Variants in RUSC1 observed in about 807,000 individuals in gnomAD.
The protein encoded by RUSC1 is RUN and SH3 domain containing 1.
Under a neutral mutation model 72.1 loss-of-function variants are expected in RUSC1, and 40 were observed. The ratio of observed to expected loss-of-function variants is 0.55; its 90% CI spans 0.43 to 0.72. The LOEUF (loss-of-function observed/expected upper bound fraction) is 0.72. Among genes scored for constraint, RUSC1 ranks in the 30% least tolerant of loss-of-function variants. The pLI, the probability that RUSC1 is intolerant of heterozygous loss-of-function variation, is 0.00. For missense variants in RUSC1, 1,092 were observed against 1,172.3 expected (o/e 0.93, Z 1.00); for synonymous variants, 512 against 494.2 (o/e 1.04, Z -0.48).
Position 155,321,765 on chromosome 1 carries a change from G to A in RUSC1, c.-9G>A. 1 of 1,613,780 alleles carries A rather than the reference G, an allele frequency of 6.2e-7. No individual in the cohort carries two copies. Among genetic ancestry groups the A allele is most frequent in the Non-Finnish European group, 8.5e-7 (1 of 1,179,956 alleles). On this transcript the variant is annotated 5_prime_UTR_variant, in exon 2 of 10. Coordinates refer to ENST00000368352, the MANE Select transcript of RUSC1 (RefSeq NM_001105203.2). ...GTTCTCTAGAAGCCATCCCATCGCCGCTAGCATCATGCTGTCCCCTCAGAG... is the reference window on the plus strand; with the variant it reads ...GTTCTCTAGAAGCCATCCCATCGCCACTAGCATCATGCTGTCCCCTCAGAG...
At chr1:155,321,461 C>A in intron 1 of RUSC1, 1 of 1,448,990 alleles carries the variant, frequency 6.9e-7, no homozygotes, top group South Asian at 1.1e-5. Context: ...CAGAGCGCAG[C>A]CGCGTTCTCT....
Position 155,324,919 on chromosome 1 carries a change from G to A in RUSC1, c.1432G>A (p.Gly478Ser), listed in dbSNP as rs1261572692. Reference protein sequence around the residue: ...LWMAEAQSGTGQLQEQKKGLL... With the variant: ...LWMAEAQSGTSQLQEQKKGLL... ...GATGGCAGAAGCCCAGAGTGGGACT[G>A]GTCAGCTGCAGGAGCAGAAGAAAGG... Residue 478 changes from glycine to serine, a missense_variant, in exon 3 of 10, where the codon GGT (glycine) becomes AGT (serine). Coordinates refer to ENST00000368352, the MANE Select transcript of RUSC1 (RefSeq NM_001105203.2). The A allele has an allele frequency of 6.2e-7, 1 of 1,614,212 alleles. No homozygotes were observed. The highest frequency in any genetic ancestry group is 1.1e-5 in the South Asian group (1 of 91,084).
chr1:155,329,393 T>C (rs892015205), intron 9 of RUSC1, among the ~76,000 whole-genome samples: 1 of 115,034 alleles, frequency 8.7e-6, no homozygotes, highest in Admixed American at 8.5e-5. Context: ...GCTACTAAAC[T>C]TTTTTTTTTT....
chr1:155,328,746 A>C (rs528013811), intron 9 of RUSC1, among the ~76,000 whole-genome samples: 3 of 151,622 alleles, frequency 2.0e-5, no homozygotes, highest in Non-Finnish European at 2.9e-5. Flanking sequence ...TTACAGGCAC[A>C]TGCCGCCACG....
chr1:155,327,363 T>C (rs1651528695), intron 8 of RUSC1, among the ~76,000 whole-genome samples: 1 of 152,162 alleles, frequency 6.6e-6, no homozygotes, highest in Non-Finnish European at 1.5e-5. Context: ...CCCAGGTACA[T>C]GTGGGGGATT....
rs757984199 is a variant in RUSC1 at position 155,322,849 on chromosome 1, G to T, written c.1076G>T (p.Gly359Val). The T allele has an allele frequency of 1.2e-6, 2 of 1,613,248 alleles. No individual in the cohort carries two copies. The highest frequency in any genetic ancestry group is 3.3e-5 in the Admixed American group (2 of 60,004). ...GAGCTCCCCCCCTCGGGGTCGCCGGGCGGCTCCTCGGCACCTCCTCGGGAA... is the reference window on the plus strand; with the variant it reads ...GAGCTCCCCCCCTCGGGGTCGCCGGTCGGCTCCTCGGCACCTCCTCGGGAA... ...DTELPPSGSP[G>V]GSSAPPREVT... is the part of the protein sequence containing the mutation. The change falls in exon 2 of 10, where the codon GGC (glycine) becomes GTC (valine). Residue 359 changes from glycine (G) to valine (V), a missense_variant. Physicochemically the swap from Gly to Val is moderately radical, Grantham distance 109. Transcript: ENST00000368352.
At chr1:155,324,728 C>G in intron 2 of RUSC1, 117 bp from the exon 3 acceptor site, 1 of 1,583,614 alleles carries the variant, frequency 6.3e-7, no homozygotes, top group African/African-American at 1.3e-5. Flanking sequence ...CCTCCTCTCC[C>G]CAAGACCCTT....
chr1:155,324,327 T>G (rs1650994975), intron 2 of RUSC1: 1 of 1,589,644 alleles, frequency 6.3e-7, no homozygotes, highest in African/African-American at 1.3e-5. Flanking sequence ...GGACCCGGGT[T>G]TCCCCTTTCC....
rs1211058880 is a variant in RUSC1 at position 155,322,411 on chromosome 1, T to C, written c.638T>C (p.Leu213Ser). 1 of 1,614,040 alleles carries C rather than the reference T, an allele frequency of 6.2e-7. No individual in the cohort carries two copies. The highest frequency in any genetic ancestry group is 2.2e-5 in the East Asian group (1 of 44,878). The change falls in exon 2 of 10, where the codon TTA becomes TCA. Residue 213 changes from leucine (L) to serine (S), a missense_variant. Physicochemically the swap from Leu to Ser is moderately radical, Grantham distance 145. Transcript: ENST00000368352. ...AEQDLPTSEL[L>S]EADDGKIDAG... is the part of the protein sequence containing the mutation. ...CAGGATCTCCCTACCTCTGAGCTCT[T>C]AGAGGCGGATGATGGGAAAATCGAC... is the stretch of plus-strand genomic sequence containing the variant.
rs747070415 is a variant in RUSC1, at chr1:155,324,397, T to G, written c.1358-448T>G. ...CTCCCTCCGTCTCCTCCCTTTCCCCTGTCTGTCTTTCCATTGGTCCATGCC... is the reference window on the plus strand; with the variant it reads ...CTCCCTCCGTCTCCTCCCTTTCCCCGGTCTGTCTTTCCATTGGTCCATGCC... On this transcript the variant is annotated intron_variant, in intron 2 of 9. Transcript: ENST00000368352. The G allele has an allele frequency of 1.8e-4, 290 of 1,612,762 alleles. 1 individual carries two copies. Among genetic ancestry groups the G allele is most frequent in the Non-Finnish European group, 2.4e-4 (280 of 1,179,552 alleles).
chr1:155,322,229 TG>T lies in RUSC1; in HGVS notation c.458del (p.Gly153AlafsTer33). 2 of 1,612,844 alleles carry T rather than the reference TG, an allele frequency of 1.2e-6. No homozygotes were observed. The highest frequency in any genetic ancestry group is 1.7e-6 in the Non-Finnish European group (2 of 1,179,148). On this transcript the variant is annotated frameshift_variant, in exon 2 of 10. Coordinates refer to ENST00000368352, the MANE Select transcript of RUSC1 (RefSeq NM_001105203.2). LOFTEE classifies it high-confidence loss of function. ...GCTCCCCACTGGCTTCAGCAGGCCC[TG>T]GCACCTGCTCACCGGACAGCTTCTG... ...QGSPLASAGP[G>X]TCSPDSFCCS...
intron 9 of RUSC1, among the ~76,000 whole-genome samples, chr1:155,328,751 G>A (rs193023165): frequency 3.3e-3 from 494 of 151,534 alleles, no homozygotes; most frequent in Middle Eastern, 0.01. Context: ...GGCACATGCC[G>A]CCACGCCCAG....
At chr1:155,328,046 T>C (rs1425589711) in intron 8 of RUSC1, 104 bp from the exon 9 acceptor site, 42 of 1,459,268 alleles carry the variant, frequency 2.9e-5, no homozygotes, top group African/African-American at 8.5e-5. Context: ...CTGACCTCTT[T>C]TGAACCACAA....
rs775348291 is a variant in RUSC1 at position 155,325,688 on chromosome 1, T to C, written c.1814+16T>C. ...GCCTCCTCAAGTGAGTTGCCTTCTT[T>C]CCAGTGCCCTTCCCACGACCTGGGA... On this transcript the variant is annotated intron_variant, in intron 6 of 9. Transcript: ENST00000368352. The surrounding 1 kb of genome is among the most constrained non-coding windows in gnomAD (Gnocchi z 6.5). 5 of 1,612,998 alleles carry C rather than the reference T, an allele frequency of 3.1e-6. No homozygotes were observed. The highest frequency in any genetic ancestry group is 4.2e-6 in the Non-Finnish European group (5 of 1,179,388).
In RUSC1 at chr1:155,321,463, G is replaced by A. The variant is rs761732316; in HGVS notation, c.-86-225G>A. On this transcript the variant is annotated intron_variant, in intron 1 of 9. Coordinates refer to ENST00000368352, the MANE Select transcript of RUSC1 (RefSeq NM_001105203.2). ...CCCTTCGGAGATCCAGAGCGCAGCC[G>A]CGTTCTCTGACCCTCCCGGCTCCAT... 1.1e-5 allele frequency: 16 copies of A among 1,450,708 alleles called. No individual in the cohort carries two copies. In the Admixed American group the frequency reaches 2.8e-4, roughly 25 times the overall value. The allele number at this position is 1,450,708 out of a possible 1,614,324, so 89.9% of individuals were successfully genotyped here.
At position 155,328,117 on chromosome 1, in the gene RUSC1, G is replaced by A. The variant is rs1252512361; in HGVS notation, c.2415-33G>A. 3 of 1,600,680 alleles carry A rather than the reference G, an allele frequency of 1.9e-6. No homozygotes were observed. In the Admixed American group the frequency reaches 5.1e-5, roughly 27 times the overall value. ...AGGGTTCTTGGGTTTTCTGGAAGTG[G>A]GTTGAGCTGTGACCCTATGTCCCTT... is the stretch of plus-strand genomic sequence containing the variant. On this transcript the variant is annotated intron_variant, in intron 8 of 9. Coordinates refer to ENST00000368352, the MANE Select transcript of RUSC1 (RefSeq NM_001105203.2).
In RUSC1 at chr1:155,322,818, G is replaced by A. The variant is rs1311592359; in HGVS notation, c.1045G>A (p.Asp349Asn). 1.2e-6 allele frequency: 2 copies of A among 1,613,818 alleles called. No individual in the cohort carries two copies. Among genetic ancestry groups the A allele is most frequent in the Admixed American group, 1.7e-5 (1 of 60,030 alleles). The change falls in exon 2 of 10, where the codon GAC becomes AAC. Residue 349 changes from aspartate (D) to asparagine (N), a missense_variant. By Grantham distance (23) the Asp-to-Asn change is conservative (BLOSUM62 1). Coordinates refer to ENST00000368352, the MANE Select transcript of RUSC1 (RefSeq NM_001105203.2). ...TGACTGGCTCATAGTCTTCTCGCCC[G>A]ACACCGAGCTCCCCCCCTCGGGGTC... ...RSDWLIVFSPDTELPPSGSPG... is the reference protein window; with the variant it reads ...RSDWLIVFSPNTELPPSGSPG...
rs370785157 is a variant in RUSC1 at position 155,321,872 on chromosome 1, G to T, written c.99G>T (p.Gln33His). 3 of 1,613,560 alleles carry T rather than the reference G, an allele frequency of 1.9e-6. No individual in the cohort carries two copies. Among genetic ancestry groups the T allele is most frequent in the Non-Finnish European group, 1.7e-6 (2 of 1,179,934 alleles). Residue 33 changes from glutamine to histidine, a missense_variant, in exon 2 of 10, where the codon CAG (glutamine) becomes CAT (histidine). Coordinates refer to ENST00000368352, the MANE Select transcript of RUSC1 (RefSeq NM_001105203.2). ...GLHLSRRPEL[Q>H]EGPLSTPPPP... The stretch of plus-strand genomic sequence containing the variant: ...ACTTGTCCCGCCGTCCTGAGCTACA[G>T]GAGGGGCCTTTGAGCACACCCCCTC...
Position 155,325,820 on chromosome 1 carries a change from GTCC to G in RUSC1, c.1815-40_1815-38del. 6.2e-7 allele frequency: 1 copy of G among 1,610,796 alleles called. No homozygotes were observed. The highest frequency in any genetic ancestry group is 8.5e-7 in the Non-Finnish European group (1 of 1,177,076). ...CATCCTCCACCCAGAGAGGACTGGA[GTCC>G]TCCACCTCCCTGAACTTCCATTCCC... On this transcript the variant is annotated intron_variant, in intron 6 of 9. Coordinates refer to ENST00000368352, the MANE Select transcript of RUSC1 (RefSeq NM_001105203.2). The surrounding 1 kb of genome is among the most constrained non-coding windows in gnomAD (Gnocchi z 6.5).
Sources: allele counts gnomAD v4.1 joint callset (sites outside exome capture counted in the v4.1 genomes callset), GRCh38; gene constraint gnomAD v4.1.1; non-coding constraint Gnocchi (gnomAD v3.1); transcripts MANE v1.5; gene names NCBI Gene and HGNC (gene_info 2026-07-23, HGNC 2026-07-21).